PBX3: variants seen among roughly 807,000 people sequenced by gnomAD.
The protein encoded by PBX3 is PBX homeobox 3.
PBX3 carries 14 observed loss-of-function variants against 48.5 expected under a neutral mutation model. The ratio of observed to expected loss-of-function variants is 0.29; its 90% CI spans 0.19 to 0.45. The LOEUF (loss-of-function observed/expected upper bound fraction) is 0.45, where lower values mean the gene tolerates loss of function less well. Among genes scored for constraint, PBX3 ranks in the 20% least tolerant of loss-of-function variants. PBX3 has a pLI of 1.00. For missense variants in PBX3, 386 were observed against 546.7 expected (o/e 0.71, Z 2.93); for synonymous variants, 210 against 200.3 (o/e 1.05, Z -0.41).
At chr9:125,770,344 C>T (rs1238875698) in intron 2 of PBX3, among the ~76,000 whole-genome samples, 1 of 152,040 alleles carries the variant, frequency 6.6e-6, no homozygotes, top group East Asian at 1.9e-4. Context: ...AATGTTGATT[C>T]TGAGGTTCCT....
intron 2 of PBX3, among the ~76,000 whole-genome samples, chr9:125,808,962 A>T (rs917135060): frequency 6.6e-6 from 1 of 152,182 alleles, no homozygotes; most frequent in Non-Finnish European, 1.5e-5. Flanking sequence ...CCTTAGGAAC[A>T]CCAGACAGCA....
In PBX3 at chr9:125,960,776, C is replaced by T. The variant is rs780328798; in HGVS notation, c.936C>T (p.Ala312=). The T allele has an allele frequency of 2.1e-5, 34 of 1,614,078 alleles. No homozygotes were observed. Among genetic ancestry groups the T allele is most frequent in the African/African-American group, 5.3e-5 (4 of 74,928 alleles). Residue 312 remains alanine, a synonymous_variant, in exon 6 of 9, where the codon GCC becomes GCT. Transcript: ENST00000373489. ...EEANLYAAKT[A]VTAAHAVAAA... ...CCAACCTCTATGCTGCAAAGACGGCCGTGACAGCTGCACACGCAGTAGCAG... is the reference window on the plus strand; with the variant it reads ...CCAACCTCTATGCTGCAAAGACGGCTGTGACAGCTGCACACGCAGTAGCAG...
intron 5 of PBX3, among the ~76,000 whole-genome samples, chr9:125,960,388 A>G (rs1842400871): frequency 6.6e-6 from 1 of 152,232 alleles, no homozygotes; most frequent in Non-Finnish European, 1.5e-5. Context: ...GGGCCTGACT[A>G]TTTATATACT....
intron 2 of PBX3, among the ~76,000 whole-genome samples, chr9:125,806,258 G>A (rs534430631): frequency 6.6e-6 from 1 of 152,300 alleles, no homozygotes. Context: ...GAAGTTAGAG[G>A]AACAGTGAAG....
intron 5 of PBX3, among the ~76,000 whole-genome samples, chr9:125,950,042 AT>A (rs138440970): frequency 3.3e-5 from 5 of 151,396 alleles, no homozygotes; most frequent in African/African-American, 9.7e-5. Context: ...TACCTACCAC[AT>A]TTTTTTTTCT....
chr9:125,871,223 C>A (rs1840115549), intron 2 of PBX3, among the ~76,000 whole-genome samples: 1 of 151,906 alleles, frequency 6.6e-6, no homozygotes, highest in African/African-American at 2.4e-5. Flanking sequence ...ATAGTGAAAC[C>A]CCATCTCTAC....
chr9:125,866,638 G>A (rs764293557), intron 2 of PBX3, among the ~76,000 whole-genome samples: 11 of 152,162 alleles, frequency 7.2e-5, no homozygotes, highest in Non-Finnish European at 1.5e-4. Context: ...ATGTGTCCGG[G>A]GAGGTTTACA....
At chr9:125,753,484 A>G (rs906514612) in intron 2 of PBX3, among the ~76,000 whole-genome samples, 1 of 152,086 alleles carries the variant, frequency 6.6e-6, no homozygotes, top group African/African-American at 2.4e-5. Context: ...CTCATGATCT[A>G]AAGTATCATG....
Position 125,964,512 on chromosome 9 carries a change from C to CT in PBX3, c.1213-1305dup, listed in dbSNP as rs3051317. Among the ~76,000 whole-genome samples the CT allele has an allele frequency of 6.3e-3, 922 of 146,428 alleles. 4 individuals are homozygous for CT. The highest frequency in any genetic ancestry group is 8.7e-3 in the Admixed American group (129 of 14,790). ...AGGCTTTAAAACAATACCACCATAGCTTTTTTTTTTTTTTAAATACTGTTT... is the reference window on the plus strand; with the variant it reads ...AGGCTTTAAAACAATACCACCATAGCTTTTTTTTTTTTTTTAAATACTGTTT... On this transcript the variant is annotated intron_variant, in intron 8 of 8. Coordinates refer to ENST00000373489, the MANE Select transcript of PBX3 (RefSeq NM_006195.6).
intron 2 of PBX3, among the ~76,000 whole-genome samples, chr9:125,876,240 C>T (rs1170254270): frequency 6.6e-6 from 1 of 152,086 alleles, no homozygotes; most frequent in Non-Finnish European, 1.5e-5. Context: ...TGTTTAATGA[C>T]AGTTATTTAA....
chr9:125,852,073 GA>G (rs1324643308), intron 2 of PBX3, among the ~76,000 whole-genome samples: 3 of 152,116 alleles, frequency 2.0e-5, no homozygotes, highest in Non-Finnish European at 4.4e-5. Flanking sequence ...GAAAAAAAGG[GA>G]AAGATGTCTG....
chr9:125,788,362 A>G (rs1837511230), intron 2 of PBX3, among the ~76,000 whole-genome samples: 1 of 152,236 alleles, frequency 6.6e-6, no homozygotes, highest in South Asian at 2.1e-4. Context: ...TCAATGTTAC[A>G]GTAAAGCAGT....
At chr9:125,836,509 G>A (rs1425360521) in intron 2 of PBX3, among the ~76,000 whole-genome samples, 5 of 152,116 alleles carry the variant, frequency 3.3e-5, no homozygotes, top group Admixed American at 6.5e-5. Flanking sequence ...GGGAAGCGTA[G>A]GTAGTCAGGG....
chr9:125,864,653 A>G (rs1328912904), intron 2 of PBX3, among the ~76,000 whole-genome samples: 4 of 152,204 alleles, frequency 2.6e-5, no homozygotes, highest in South Asian at 2.1e-4. Context: ...ACAGATCACA[A>G]TAGGGTTCAT....
Position 125,966,320 on chromosome 9 carries a change from ACTT to A in PBX3, c.*401_*403del, listed in dbSNP as rs1214304700. The A allele has an allele frequency of 1.9e-5, 3 of 155,616 alleles. No homozygotes were observed. The highest frequency in any genetic ancestry group is 4.3e-5 in the Non-Finnish European group (3 of 69,948). 9.6% of individuals were successfully genotyped at this position (155,616 alleles called of 1,614,324 possible). On this transcript the variant is annotated 3_prime_UTR_variant, in exon 9 of 9. Transcript: ENST00000373489. ...CAAAAATTCACCTCACCTAAATTGA[ACTT>A]CTTGCATATTTCCATTACTGACTTG... is the stretch of plus-strand genomic sequence containing the variant.
chr9:125,901,460 G>A (rs974868610), intron 2 of PBX3, among the ~76,000 whole-genome samples: 1 of 151,598 alleles, frequency 6.6e-6, no homozygotes, highest in African/African-American at 2.4e-5. Flanking sequence ...TCTTAATGAA[G>A]CCTGAAGTTA....
intron 4 of PBX3, 82 bp downstream of exon 4, chr9:125,929,927 T>G (rs1841678362): frequency 1.9e-6 from 2 of 1,038,350 alleles, no homozygotes; most frequent in African/African-American, 1.6e-5. Flanking sequence ...ACTGACCAGT[T>G]GGTCTTAGAT....
intron 2 of PBX3, among the ~76,000 whole-genome samples, chr9:125,869,850 C>T (rs1840074111): frequency 6.6e-6 from 1 of 151,924 alleles, no homozygotes; most frequent in African/African-American, 2.4e-5. Context: ...GAGTATTGAC[C>T]ATGTAAAAAT....
intron 2 of PBX3, among the ~76,000 whole-genome samples, chr9:125,820,943 G>T (rs117353649): frequency 0.014 from 2,125 of 152,202 alleles, 22 homozygotes; most frequent in Non-Finnish European, 0.021. Context: ...TACTACAGTT[G>T]CTCAAAGCAA....
Sources: allele counts gnomAD v4.1 joint callset (sites outside exome capture counted in the v4.1 genomes callset), GRCh38; gene constraint gnomAD v4.1.1; transcripts MANE v1.5; gene names NCBI Gene and HGNC (gene_info 2026-07-23, HGNC 2026-07-21).